The following PKIG variants were observed in gnomAD, a reference collection of about 807,000 sequenced individuals.
PKIG encodes cAMP-dependent protein kinase inhibitor gamma.
In PKIG, 1 loss-of-function variant was observed where a neutral mutation model predicts 6.8. The observed-to-expected ratio is 0.15, with a 90% confidence interval of 0.05 to 0.69. The LOEUF (loss-of-function observed/expected upper bound fraction) is 0.69, where lower values mean the gene tolerates loss of function less well. Among genes scored for constraint, PKIG ranks in the 30% least tolerant of loss-of-function variants. The pLI is 0.82. For synonymous variants in PKIG, 39 were observed against 43.0 expected (o/e 0.91, Z 0.36); for missense variants, 77 against 104.0 (o/e 0.74, Z 1.13).
chr20:44,579,725 G>T (rs960675433), upstream of PKIG, among the ~76,000 whole-genome samples: 4 of 152,220 alleles, frequency 2.6e-5, no homozygotes, highest in African/African-American at 9.6e-5. Flanking sequence ...TTCTGTCACA[G>T]ACGTAGAATT....
At chr20:44,611,937 C>G (rs1218941794) in intron 2 of PKIG, among the ~76,000 whole-genome samples, 1 of 151,912 alleles carries the variant, frequency 6.6e-6, no homozygotes, top group East Asian at 1.9e-4. Context: ...CCGTTTTGTC[C>G]CAAATAACAA....
chr20:44,547,183 T>TC (rs2064622921), intron 1 of PKIG, among the ~76,000 whole-genome samples: 1 of 152,232 alleles, frequency 6.6e-6, no homozygotes, highest in South Asian at 2.1e-4. Flanking sequence ...CAGTAACACT[T>TC]CCTTTGAATT....
intron 2 of PKIG, among the ~76,000 whole-genome samples, chr20:44,607,602 C>G (rs1276844584): frequency 6.6e-6 from 1 of 150,552 alleles, no homozygotes; most frequent in East Asian, 1.9e-4. Context: ...GTCTTGAACT[C>G]CTGACCTCAG....
chr20:44,548,901 C>CAT (rs2064642426), intron 1 of PKIG, among the ~76,000 whole-genome samples: 1 of 85,054 alleles, frequency 1.2e-5, no homozygotes, highest in South Asian at 3.9e-4. Context: ...CACACACACA[C>CAT]ACATATATCT....
chr20:44,596,507 C>T (rs940675435), intron 2 of PKIG, among the ~76,000 whole-genome samples: 3 of 150,354 alleles, frequency 2.0e-5, no homozygotes, highest in African/African-American at 7.5e-5. Flanking sequence ...GCCAGAGGTA[C>T]GGATGACATC....
intron 1 of PKIG, among the ~76,000 whole-genome samples, chr20:44,541,670 T>G (rs2064562823): frequency 1.3e-5 from 2 of 151,932 alleles, no homozygotes; most frequent in Non-Finnish European, 2.9e-5. Context: ...AAGCATTAGA[T>G]TTTTAAGTGT....
At chr20:44,573,921 A>G (rs1746961220) in intron 1 of PKIG, among the ~76,000 whole-genome samples, 1 of 152,238 alleles carries the variant, frequency 6.6e-6, no homozygotes, top group Admixed American at 6.5e-5. Context: ...AACTGATAGT[A>G]GCAACTGATA....
chr20:44,604,662 G>A (rs534292256), intron 2 of PKIG, among the ~76,000 whole-genome samples: 1 of 152,208 alleles, frequency 6.6e-6, no homozygotes, highest in Admixed American at 6.5e-5. Flanking sequence ...TTACATGAGA[G>A]AATGTGTGGA....
At chr20:44,596,431 G>A (rs574551118) in intron 2 of PKIG, among the ~76,000 whole-genome samples, 1 of 152,264 alleles carries the variant, frequency 6.6e-6, no homozygotes, top group Admixed American at 6.5e-5. Context: ...CTGGAGGTGT[G>A]GGGGGAGGGC....
chr20:44,611,306 G>A (rs1399408621), intron 2 of PKIG, among the ~76,000 whole-genome samples: 2 of 151,966 alleles, frequency 1.3e-5, no homozygotes, highest in East Asian at 1.9e-4. Context: ...TACCCGCCTC[G>A]GCCTCCCAAA....
intron 2 of PKIG, among the ~76,000 whole-genome samples, chr20:44,607,245 G>C (rs1472733356): frequency 1.3e-5 from 2 of 151,658 alleles, no homozygotes; most frequent in Non-Finnish European, 2.9e-5. Context: ...TATTACTTTG[G>C]GTTTGTTTTC....
intron 1 of PKIG, among the ~76,000 whole-genome samples, chr20:44,561,291 C>T (rs1004250427): frequency 1.3e-5 from 2 of 151,928 alleles, no homozygotes; most frequent in African/African-American, 2.4e-5. Flanking sequence ...GAGCCGAGAT[C>T]GCACCAGTGT....
upstream of PKIG, among the ~76,000 whole-genome samples, chr20:44,578,185 A>C (rs1442773060): frequency 2.6e-5 from 4 of 151,810 alleles, no homozygotes; most frequent in Non-Finnish European, 2.9e-5. Context: ...CTAAGCATAC[A>C]AAAAAATTAG....
At chr20:44,601,607 C>T (rs1289165982) in intron 2 of PKIG, among the ~76,000 whole-genome samples, 1 of 152,220 alleles carries the variant, frequency 6.6e-6, no homozygotes, top group African/African-American at 2.4e-5. Context: ...TAGGCCCTGG[C>T]ATTTCTGTTT....
chr20:44,541,762 T>C (rs1362715753), intron 1 of PKIG, among the ~76,000 whole-genome samples: 2 of 150,668 alleles, frequency 1.3e-5, no homozygotes, highest in African/African-American at 2.4e-5. Context: ...GGATCACGGC[T>C]CACTGCAGCC....
intron 2 of PKIG, among the ~76,000 whole-genome samples, chr20:44,591,926 C>G (rs1298002864): frequency 1.3e-5 from 2 of 152,136 alleles, no homozygotes; most frequent in African/African-American, 4.8e-5. Flanking sequence ...TGAAGAAGCC[C>G]TAGCCTCAGG....
upstream of PKIG, among the ~76,000 whole-genome samples, chr20:44,578,823 T>C (rs2064922871): frequency 6.6e-6 from 1 of 152,190 alleles, no homozygotes; most frequent in Non-Finnish European, 1.5e-5. Context: ...GGGATAATAA[T>C]TATACCTACC....
At chr20:44,579,435 G>A (rs771414410), upstream of PKIG, among the ~76,000 whole-genome samples, 4 of 152,262 alleles carry the variant, frequency 2.6e-5, no homozygotes, top group Admixed American at 6.5e-5. Flanking sequence ...GTGGATTCAG[G>A]ACTGGCACCA....
chr20:44,568,159 A>AATAT (rs931569179), intron 1 of PKIG, among the ~76,000 whole-genome samples: 1 of 151,794 alleles, frequency 6.6e-6, no homozygotes, highest in Non-Finnish European at 1.5e-5. Flanking sequence ...TAAATAAATA[A>AATAT]CTCTGATATA....
Sources: allele counts gnomAD v4.1 joint callset (sites outside exome capture counted in the v4.1 genomes callset), GRCh38; gene constraint gnomAD v4.1.1; transcripts MANE v1.5; gene names NCBI Gene and HGNC (gene_info 2026-07-23, HGNC 2026-07-21).